Variants in ESRRB observed in about 807,000 individuals in gnomAD.
The protein encoded by ESRRB is steroid hormone receptor ERR2.
A neutral mutation model predicts 46.0 loss-of-function variants in ESRRB; 16 were observed. The observed-to-expected ratio is 0.35, with a 90% CI of 0.24 to 0.53. ESRRB has a LOEUF of 0.53. ESRRB is among the 20% of genes least tolerant of loss of function. The pLI is 0.93. For synonymous variants in ESRRB, 246 were observed against 259.6 expected, an observed-to-expected ratio of 0.95 and a Z score of 0.50; for missense variants, 488 against 607.4, an observed-to-expected ratio of 0.80 and a Z score of 2.07.
In ESRRB at chr14:76,313,570, C is replaced by T. The variant is rs8020029; in HGVS notation, c.2+2654C>T. Among the ~76,000 whole-genome samples, 1,341 of 152,230 alleles carry T rather than the reference C, an allele frequency of 8.8e-3. 21 individuals are homozygous for T. Among genetic ancestry groups the T allele is most frequent in the African/African-American group, 0.028 (1,154 of 41,526 alleles). ...AGCAGGTGCTTTGGAATGCAGCAGGCTCAGGTGCAGGAAGAGGGAATCACA... is the reference window on the plus strand; with the variant it reads ...AGCAGGTGCTTTGGAATGCAGCAGGTTCAGGTGCAGGAAGAGGGAATCACA... On this transcript the variant is annotated intron_variant, in intron 1 of 6. Coordinates refer to the ESRRB transcript ENST00000512784.
At chr14:76,324,151 G>T (rs528633688) in intron 1 of ESRRB, among the ~76,000 whole-genome samples, 33 of 152,282 alleles carry the variant, frequency 2.2e-4, no homozygotes, top group African/African-American at 7.0e-4. Context: ...GAAAAATAGG[G>T]CGGCAGGAAG....
chr14:76,465,346 TC>T (rs1174759894), intron 3 of ESRRB, among the ~76,000 whole-genome samples: 1 of 151,724 alleles, frequency 6.6e-6, no homozygotes, highest in African/African-American at 2.4e-5. Flanking sequence ...CTGAGCAGAG[TC>T]TCTTTAGGGG....
At chr14:76,359,540 G>A (rs1416717616) in intron 1 of ESRRB, among the ~76,000 whole-genome samples, 11 of 152,204 alleles carry the variant, frequency 7.2e-5, no homozygotes, top group East Asian at 1.9e-4. Flanking sequence ...GTTGAGTAGA[G>A]TAGCTCCCCA....
intron 6 of ESRRB, among the ~76,000 whole-genome samples, chr14:76,493,676 T>G (rs1010715454): frequency 6.6e-6 from 1 of 152,232 alleles, no homozygotes; most frequent in Non-Finnish European, 1.5e-5. Flanking sequence ...CTGCTTTTAC[T>G]GAAAGTCCCA....
chr14:76,436,467 A>G (rs796971429), intron 1 of ESRRB, among the ~76,000 whole-genome samples: 10 of 152,264 alleles, frequency 6.6e-5, no homozygotes, highest in African/African-American at 2.4e-4. Context: ...GACCCCTGGG[A>G]TCTGGGAGCT....
At chr14:76,339,167 A>G (rs902125070) in intron 1 of ESRRB, among the ~76,000 whole-genome samples, 1 of 152,164 alleles carries the variant, frequency 6.6e-6, no homozygotes, top group African/African-American at 2.4e-5. Flanking sequence ...ATATCCAAGA[A>G]TGGCACACCC....
chr14:76,347,878 G>T (rs868475004), intron 1 of ESRRB, among the ~76,000 whole-genome samples: 2 of 152,084 alleles, frequency 1.3e-5, no homozygotes, highest in Admixed American at 6.6e-5. Flanking sequence ...CACAGACCAT[G>T]TGTGTCTAAT....
chr14:76,445,482 A>AAAAG lies in ESRRB; in HGVS notation c.460+5752_460+5755dup, dbSNP rs1165122151. ...ACTCCGTCTCAAAAAAAAAAAAAAA[A>AAAAG]AAAGAAAGAAAGAAAGAAAGAAAAG... On this transcript the variant is annotated intron_variant, in intron 2 of 6. Coordinates refer to ENST00000644823, the MANE Select transcript of ESRRB (RefSeq NM_001379180.1). Among the ~76,000 whole-genome samples the AAAAG allele has an allele frequency of 1.1e-3, 127 of 120,038 alleles. 2 individuals carry two copies. Among genetic ancestry groups the AAAAG allele is most frequent in the African/African-American group, 4.2e-3 (98 of 23,102 alleles). The allele number at this position is 120,038 out of a possible 152,430, so 78.7% of individuals were successfully genotyped here.
intron 1 of ESRRB, among the ~76,000 whole-genome samples, chr14:76,431,124 G>A (rs566797876): frequency 2.0e-5 from 3 of 152,272 alleles, no homozygotes; most frequent in Admixed American, 6.5e-5. Context: ...GGTGAAACCC[G>A]TCTTTACTAA....
chr14:76,443,640 T>C (rs1286056298), intron 2 of ESRRB, among the ~76,000 whole-genome samples: 1 of 152,230 alleles, frequency 6.6e-6, no homozygotes, highest in Non-Finnish European at 1.5e-5. Context: ...TAGAAGACAG[T>C]CACATTTTCT....
At chr14:76,473,262 AT>A (rs1200997353) in intron 3 of ESRRB, among the ~76,000 whole-genome samples, 2 of 152,242 alleles carry the variant, frequency 1.3e-5, no homozygotes, top group Non-Finnish European at 2.9e-5. Flanking sequence ...AGATACGGGT[AT>A]GAAATAGATT....
chr14:76,333,394 A>G lies in ESRRB; in HGVS notation c.2+22478A>G, dbSNP rs1379996819. On this transcript the variant is annotated intron_variant, in intron 1 of 6. Transcript: ENST00000512784. ...TATATATGATATATTTATATCATAT[A>G]TATATTTATATATGATATATTTATA... 3.6e-5 allele frequency among the ~76,000 whole-genome samples: 4 copies of G among 110,618 alleles called. No homozygotes were observed. The East Asian group carries it at 8.5e-4, about 24-fold the overall frequency. The allele number at this position is 110,618 out of a possible 152,430, so 72.6% of individuals were successfully genotyped here. A position where few individuals can be genotyped will look rare whatever the true frequency, so the allele number is the denominator to read the frequency against.
At chr14:76,422,843 G>A (rs187520718) in intron 1 of ESRRB, among the ~76,000 whole-genome samples, 94 of 152,280 alleles carry the variant, frequency 6.2e-4, no homozygotes, top group African/African-American at 2.2e-3. Flanking sequence ...TCATGCCCAG[G>A]CCCTGTCAGT....
chr14:76,499,961 T>C lies in ESRRB; in HGVS notation c.*1503T>C, dbSNP rs758938770. On this transcript the variant is annotated 3_prime_UTR_variant, in exon 7 of 7. Transcript: ENST00000644823. ...AATCAGCTGCCTTCACAAGCAGGGA[T>C]CAGAGCAACTCCCCGGGGATCCCCA... 5 of 1,609,792 alleles carry C rather than the reference T, an allele frequency of 3.1e-6. No homozygotes were observed. The Admixed American group carries it at 5.1e-5, about 16-fold the overall frequency.
intron 1 of ESRRB, among the ~76,000 whole-genome samples, chr14:76,342,465 G>T (rs1884202503): frequency 6.6e-6 from 1 of 152,202 alleles, no homozygotes; most frequent in Non-Finnish European, 1.5e-5. Flanking sequence ...ATTACAGTAA[G>T]GGCATTCTTC....
At chr14:76,390,765 A>G (rs1885435752) in intron 1 of ESRRB, among the ~76,000 whole-genome samples, 1 of 152,128 alleles carries the variant, frequency 6.6e-6, no homozygotes. Flanking sequence ...AAAACCATGA[A>G]TTTTCCAAGG....
chr14:76,347,109 T>C (rs955202669), intron 1 of ESRRB, among the ~76,000 whole-genome samples: 2 of 152,108 alleles, frequency 1.3e-5, no homozygotes, highest in Non-Finnish European at 2.9e-5. Context: ...AAACAAGCAG[T>C]CTCCCTATAT....
intron 1 of ESRRB, among the ~76,000 whole-genome samples, chr14:76,428,372 C>T (rs1887290553): frequency 1.3e-5 from 2 of 151,956 alleles, no homozygotes; most frequent in South Asian, 4.2e-4. Flanking sequence ...AAAAGTTAAG[C>T]TAAATTTACA....
chr14:76,474,484 G>A (rs1889495519), intron 3 of ESRRB, among the ~76,000 whole-genome samples: 1 of 152,194 alleles, frequency 6.6e-6, no homozygotes, highest in African/African-American at 2.4e-5. Flanking sequence ...TATACGTCAA[G>A]TACAACTTGG....
Sources: gnomAD v4.1 joint callset for allele counts (sites outside exome capture counted in the v4.1 genomes callset) on GRCh38, gnomAD v4.1.1 for gene constraint, MANE v1.5 for transcripts, NCBI Gene and HGNC (gene_info 2026-07-23, HGNC 2026-07-21) for gene names.